BRMS1L: variants seen among roughly 807,000 people sequenced by gnomAD.
BRMS1L encodes BRMS1 like transcriptional repressor, also known as breast cancer metastasis-suppressor 1-like protein.
A neutral mutation model predicts 50.3 loss-of-function variants in BRMS1L; 23 were observed. The observed-to-expected ratio is 0.46, with a 90% CI of 0.33 to 0.65. The LOEUF is 0.65. Among genes scored for constraint, BRMS1L ranks in the 30% least tolerant of loss-of-function variants. The probability of loss-of-function intolerance (pLI) is 0.02; values close to 1 mark genes in which losing one functional copy is unlikely to be tolerated. For missense variants in BRMS1L, 286 were observed against 386.1 expected, an observed-to-expected ratio of 0.74 and a Z score of 2.17; for synonymous variants, 114 against 126.9, an observed-to-expected ratio of 0.90 and a Z score of 0.69.
rs111940131 is a variant in BRMS1L at position 35,832,987 on chromosome 14, A to G, written c.243A>G (p.Lys81=). 8.7e-6 allele frequency: 14 copies of G among 1,609,406 alleles called. No individual in the cohort carries two copies. The African/African-American group carries it at 1.3e-4, about 15-fold the overall frequency. The change falls in exon 3 of 10, where the codon AAA becomes AAG. Residue 81 remains lysine, a synonymous_variant. Transcript: ENST00000216807. Reference sequence around the variant, plus strand: ...TTTTTGCTTTGTTAAGACTTTATAAAGAACGATTAAGTCAGGTGGATGCAA... The same window carrying G: ...TTTTTGCTTTGTTAAGACTTTATAAGGAACGATTAAGTCAGGTGGATGCAA... ...QFTDLKDQLY[K]ERLSQVDAKL...
chr14:35,857,247 A>AC (rs1566426620), intron 4 of BRMS1L, among the ~76,000 whole-genome samples: 2 of 146,458 alleles, frequency 1.4e-5, no homozygotes, highest in Admixed American at 1.4e-4. Flanking sequence ...TCTCAAAAAA[A>AC]AAAATATATA....
chr14:35,831,048 C>G (rs2077913623), intron 1 of BRMS1L, among the ~76,000 whole-genome samples: 1 of 151,448 alleles, frequency 6.6e-6, no homozygotes, highest in Non-Finnish European at 1.5e-5. Flanking sequence ...TCAGGCGATC[C>G]TCCTGCCTCA....
intron 4 of BRMS1L, among the ~76,000 whole-genome samples, chr14:35,852,498 A>G (rs966320827): frequency 6.6e-6 from 1 of 152,130 alleles, no homozygotes; most frequent in Non-Finnish European, 1.5e-5. Context: ...GTCTTCTTTA[A>G]TTTCTTTTAT....
chr14:35,859,233 C>G (rs118134436), intron 4 of BRMS1L, among the ~76,000 whole-genome samples: 1 of 152,050 alleles, frequency 6.6e-6, no homozygotes, highest in Non-Finnish European at 1.5e-5. Flanking sequence ...CGTGAGCCAC[C>G]GTGCCTGGCC....
chr14:35,856,040 C>G (rs2078275238), intron 4 of BRMS1L, among the ~76,000 whole-genome samples: 1 of 152,022 alleles, frequency 6.6e-6, no homozygotes, highest in South Asian at 2.1e-4. Flanking sequence ...TTCTTTTGTT[C>G]TTACGTTAGA....
chr14:35,831,126 G>A (rs2077914577), intron 1 of BRMS1L, among the ~76,000 whole-genome samples: 1 of 151,908 alleles, frequency 6.6e-6, no homozygotes, highest in Non-Finnish European at 1.5e-5. Flanking sequence ...ATTTTGTAGA[G>A]ATGGGGTCTT....
intron 4 of BRMS1L, among the ~76,000 whole-genome samples, chr14:35,851,236 C>A (rs78673521): frequency 6.6e-6 from 1 of 152,080 alleles, no homozygotes; most frequent in East Asian, 1.9e-4. Context: ...AAGGTGAAAC[C>A]GCACAGGTGT....
chr14:35,868,114 T>G, intron 9 of BRMS1L, 82 bp downstream of exon 9: 2 of 1,386,340 alleles, frequency 1.4e-6, no homozygotes, highest in Non-Finnish European at 9.7e-7. Flanking sequence ...CCTGCCTCCA[T>G]AGTGTGCCTA....
At chr14:35,863,012 G>A (rs1460185334) in intron 5 of BRMS1L, among the ~76,000 whole-genome samples, 1 of 152,098 alleles carries the variant, frequency 6.6e-6, no homozygotes, top group African/African-American at 2.4e-5. Context: ...GACTGAGGCG[G>A]AAGCATCCTT....
At chr14:35,837,163 G>A (rs1300505687) in intron 4 of BRMS1L, among the ~76,000 whole-genome samples, 1 of 152,060 alleles carries the variant, frequency 6.6e-6, no homozygotes, top group Non-Finnish European at 1.5e-5. Context: ...TCTGAGACAG[G>A]AGAATTGCTT....
At chr14:35,855,800 A>G (rs564007397) in intron 4 of BRMS1L, among the ~76,000 whole-genome samples, 40 of 152,210 alleles carry the variant, frequency 2.6e-4, no homozygotes, top group South Asian at 8.3e-4. Flanking sequence ...AAAATGCTAT[A>G]TATTTTGTAT....
At position 35,870,474 on chromosome 14, in the gene BRMS1L, A is replaced by G. The variant is rs1445504528; in HGVS notation, c.969A>G (p.Ser323=). The G allele has an allele frequency of 6.4e-7, 1 of 1,566,658 alleles. No individual in the cohort carries two copies. ...AAGGAAAATATTCAATTAAACATTC[A>G]TAATCATGATTTAAGTGTTATCTAA... ...LQKGKYSIKH[S] is the part of the protein sequence containing the mutation. The change falls in exon 10 of 10, where the codon TCA becomes TCG. Residue 323 remains serine, a synonymous_variant. Transcript: ENST00000216807.
At chr14:35,829,526 T>C (rs890342262) in intron 1 of BRMS1L, among the ~76,000 whole-genome samples, 3 of 152,274 alleles carry the variant, frequency 2.0e-5, no homozygotes, top group East Asian at 3.8e-4. Context: ...AAAGCATCTC[T>C]GTTCTACCAT....
chr14:35,846,010 T>G (rs1369977809), intron 4 of BRMS1L, among the ~76,000 whole-genome samples: 2 of 152,244 alleles, frequency 1.3e-5, no homozygotes, highest in Non-Finnish European at 2.9e-5. Context: ...TACAGCATGA[T>G]GCACTTTTAC....
At chr14:35,829,129 A>G (rs2077885816) in intron 1 of BRMS1L, among the ~76,000 whole-genome samples, 1 of 150,824 alleles carries the variant, frequency 6.6e-6, no homozygotes, top group Non-Finnish European at 1.5e-5. Flanking sequence ...TTTAGTAGAG[A>G]TGGGGTTTTG....
intron 4 of BRMS1L, among the ~76,000 whole-genome samples, chr14:35,848,870 AAC>A (rs2078171969): frequency 2.0e-5 from 3 of 152,198 alleles, no homozygotes; most frequent in Non-Finnish European, 4.4e-5. Context: ...ATGGACACTT[AAC>A]ATTTCATCAA....
intron 1 of BRMS1L, among the ~76,000 whole-genome samples, chr14:35,828,775 G>A (rs193110231): frequency 1.5e-3 from 222 of 152,178 alleles, no homozygotes; most frequent in Non-Finnish European, 2.9e-3. Flanking sequence ...CTTTTGGAGT[G>A]ATGGCAGTAT....
At chr14:35,842,268 G>A (rs932975544) in intron 4 of BRMS1L, among the ~76,000 whole-genome samples, 1 of 152,132 alleles carries the variant, frequency 6.6e-6, no homozygotes, top group Non-Finnish European at 1.5e-5. Context: ...TTTCTTCATA[G>A]CGTTGATGGT....
At chr14:35,836,772 G>A (rs113295975) in intron 4 of BRMS1L, among the ~76,000 whole-genome samples, 4,300 of 152,264 alleles carry the variant, frequency 0.028, 152 homozygotes, top group African/African-American at 0.081. Flanking sequence ...TTCTAGGCTG[G>A]GTGTGGTGGC....
Sources: allele counts gnomAD v4.1 joint callset (sites outside exome capture counted in the v4.1 genomes callset), GRCh38; gene constraint gnomAD v4.1.1; transcripts MANE v1.5; gene names NCBI Gene and HGNC (gene_info 2026-07-23, HGNC 2026-07-21).